CASP9: variants seen among roughly 807,000 people sequenced by gnomAD.
CASP9 encodes caspase 9, also known as caspase-9.
CASP9 carries 29 observed loss-of-function variants against 43.5 expected under a neutral mutation model. The ratio of observed to expected loss-of-function variants is 0.67; its 90% confidence interval spans 0.50 to 0.91. CASP9 has a LOEUF of 0.91. CASP9 is among the 40% of genes least tolerant of loss of function. The pLI is 0.00. For synonymous variants in CASP9, 206 were observed against 211.9 expected, an observed-to-expected ratio of 0.97 and a Z score of 0.24; for missense variants, 575 against 537.4, an observed-to-expected ratio of 1.07 and a Z score of -0.69.
chr1:15,492,865 T>C lies in CASP9; in HGVS notation c.*78A>G. 7 of 1,579,704 alleles carry C rather than the reference T, an allele frequency of 4.4e-6. No homozygotes were observed. The highest frequency in any genetic ancestry group is 6.0e-6 in the Non-Finnish European group (7 of 1,168,634). On this transcript the variant is annotated 3_prime_UTR_variant, in exon 9 of 9. Coordinates refer to ENST00000333868, the MANE Select transcript of CASP9 (RefSeq NM_001229.5). ...GCAAAGTCCTTGAGTTGCAGGAAAG[T>C]CCAGGCCTCAGCCTCTTTCAGGCCT...
intron 6 of CASP9, among the ~76,000 whole-genome samples, chr1:15,501,017 G>GGAGAGCCTCGGTTCTTA (rs1553140681): frequency 2.0e-5 from 3 of 152,180 alleles, no homozygotes; most frequent in Non-Finnish European, 4.4e-5. Context: ...CTTGGTTCTT[G>GGAGAGCCTCGGTTCTTA]GAGAGCCTCG....
At chr1:15,521,156 CAAAA>C (rs34870949) in intron 1 of CASP9, among the ~76,000 whole-genome samples, 1 of 81,222 alleles carries the variant, frequency 1.2e-5, no homozygotes, top group African/African-American at 5.0e-5. Flanking sequence ...GACTCCGTCT[CAAAA>C]AAAAAAAAAA....
chr1:15,518,209 TA>T lies in CASP9; in HGVS notation c.318del (p.Thr107ProfsTer39). On this transcript the variant is annotated frameshift_variant, in exon 2 of 9. Transcript: ENST00000333868. LOFTEE classifies it high-confidence loss of function. ...ATCTCTGGTCTGAGCACCACTGGGG[TA>T]AGGTTTTCTAGGGTTGGCTTCGACA... ...AKLSKPTLENLTPVVLRPEIR... is the reference protein window; with the variant it reads ...AKLSKPTLENXTPVVLRPEIR... 6.2e-7 allele frequency: 1 copy of T among 1,614,080 alleles called. No homozygotes were observed. Among genetic ancestry groups the T allele is most frequent in the South Asian group, 1.1e-5 (1 of 91,076 alleles).
intron 2 of CASP9, among the ~76,000 whole-genome samples, chr1:15,512,044 C>A (rs1463643311): frequency 2.0e-5 from 3 of 152,208 alleles, no homozygotes; most frequent in African/African-American, 7.2e-5. Context: ...GAAGTACTGG[C>A]ACACATCCCC....
chr1:15,518,284 G>A lies in CASP9; in HGVS notation c.244C>T (p.Gln82Ter). Residue 82 changes from glutamine (Q) to a stop codon, truncating the protein, a stop_gained, in exon 2 of 9, where the codon CAG becomes TAG. Coordinates refer to ENST00000333868, the MANE Select transcript of CASP9 (RefSeq NM_001229.5). LOFTEE classifies it high-confidence loss of function. Reference sequence around the variant, plus strand: ...CGCAGAAACGAAGCCAGCATGTCCTGGCCTGTGTCCTCTAAGCAGGAGATG... The same window carrying A: ...CGCAGAAACGAAGCCAGCATGTCCTAGCCTGTGTCCTCTAAGCAGGAGATG... ...LFISCLEDTG[Q>*]DMLASFLRTN... The A allele has an allele frequency of 6.2e-7, 1 of 1,614,204 alleles. No homozygotes were observed. Among genetic ancestry groups the A allele is most frequent in the Non-Finnish European group, 8.5e-7 (1 of 1,180,048 alleles).
At chr1:15,507,127 G>A (rs1424997949) in intron 3 of CASP9, 52 bp from the exon 4 acceptor site, 21 of 1,608,438 alleles carry the variant, frequency 1.3e-5, no homozygotes, top group Non-Finnish European at 1.8e-5. Context: ...GCTCCCTAGA[G>A]GACAGTCTGG....
At chr1:15,524,363 C>A, upstream of CASP9, 1 of 1,393,670 alleles carries the variant, frequency 7.2e-7, no homozygotes, top group South Asian at 1.6e-5. Context: ...TCCAAGGCCT[C>A]GCCCCGCCCC....
intron 6 of CASP9, among the ~76,000 whole-genome samples, chr1:15,502,776 C>G (rs1016189860): frequency 2.6e-5 from 4 of 152,244 alleles, no homozygotes; most frequent in Non-Finnish European, 5.9e-5. Context: ...GCCTGCATTC[C>G]TAATTCCCCT....
intron 2 of CASP9, among the ~76,000 whole-genome samples, chr1:15,516,139 T>C (rs1245313899): frequency 2.0e-5 from 3 of 148,918 alleles, no homozygotes; most frequent in Non-Finnish European, 4.4e-5. Context: ...GAGGTGGAGG[T>C]TGCAGTGAGC....
At chr1:15,503,309 T>C (rs1709398757) in intron 6 of CASP9, among the ~76,000 whole-genome samples, 1 of 152,170 alleles carries the variant, frequency 6.6e-6, no homozygotes, top group Admixed American at 6.5e-5. Context: ...GAGGATCACC[T>C]GAGCTTGGGA....
intron 1 of CASP9, among the ~76,000 whole-genome samples, chr1:15,520,747 T>G (rs531581431): frequency 7.8e-6 from 1 of 128,088 alleles, no homozygotes; most frequent in South Asian, 2.5e-4. Flanking sequence ...AGGTTAGGAG[T>G]TCAAGACCAG....
chr1:15,499,032 T>C (rs894097063), intron 6 of CASP9, among the ~76,000 whole-genome samples: 2 of 151,772 alleles, frequency 1.3e-5, no homozygotes, highest in African/African-American at 2.4e-5. Context: ...CCACCGCCCC[T>C]GGCCAATGAT....
intron 6 of CASP9, among the ~76,000 whole-genome samples, chr1:15,495,884 AT>A (rs1470673782): frequency 6.6e-6 from 1 of 152,202 alleles, no homozygotes; most frequent in African/African-American, 2.4e-5. Flanking sequence ...GGTTCCCTGC[AT>A]TTTCCCCTGC....
intron 2 of CASP9, among the ~76,000 whole-genome samples, chr1:15,509,475 A>G (rs979006808): frequency 1.5e-4 from 23 of 151,110 alleles, no homozygotes; most frequent in Non-Finnish European, 1.9e-4. Context: ...AAAAAAAAAA[A>G]AAAAGAAAAA....
chr1:15,492,927 G>A lies in CASP9; in HGVS notation c.*16C>T. On this transcript the variant is annotated 3_prime_UTR_variant, in exon 9 of 9. Coordinates refer to ENST00000333868, the MANE Select transcript of CASP9 (RefSeq NM_001229.5). ...GCTTTGGGGTGCAAGATAAGGCAGG[G>A]TGAGGGGCCCTGGCCTTATGATGTT... 2 of 1,613,102 alleles carry A rather than the reference G, an allele frequency of 1.2e-6. No homozygotes were observed. Among genetic ancestry groups the A allele is most frequent in the Non-Finnish European group, 1.7e-6 (2 of 1,180,026 alleles).
intron 1 of CASP9, among the ~76,000 whole-genome samples, chr1:15,519,382 T>C (rs1364772284): frequency 3.3e-5 from 5 of 152,180 alleles, no homozygotes; most frequent in Non-Finnish European, 4.4e-5. Flanking sequence ...GGTTTCACCA[T>C]GTTGGCCAGG....
intron 6 of CASP9, among the ~76,000 whole-genome samples, chr1:15,501,945 A>C (rs1709347985): frequency 6.6e-6 from 1 of 152,080 alleles, no homozygotes; most frequent in Non-Finnish European, 1.5e-5. Flanking sequence ...CTAATGTTTT[A>C]AATTTTATGA....
chr1:15,498,059 T>C (rs754553516), intron 6 of CASP9, among the ~76,000 whole-genome samples: 8 of 152,128 alleles, frequency 5.3e-5, no homozygotes, highest in Non-Finnish European at 7.4e-5. Context: ...AGTGGTTTTT[T>C]GTTTTGTTTT....
At chr1:15,514,842 T>C (rs995150492) in intron 2 of CASP9, among the ~76,000 whole-genome samples, 4 of 151,880 alleles carry the variant, frequency 2.6e-5, no homozygotes, top group African/African-American at 9.7e-5. Context: ...CTTGTCTCTA[T>C]CAAAAAATAC....
Sources: gnomAD v4.1 joint callset for allele counts (sites outside exome capture counted in the v4.1 genomes callset) on GRCh38, gnomAD v4.1.1 for gene constraint, MANE v1.5 for transcripts, NCBI Gene and HGNC (gene_info 2026-07-23, HGNC 2026-07-21) for gene names.